The following JAM3 variants were observed in gnomAD, a reference collection of about 807,000 sequenced individuals.
JAM3 encodes the protein junctional adhesion molecule 3.
In JAM3, 31 loss-of-function variants were observed where a neutral mutation model predicts 39.4. The observed-to-expected ratio is 0.79, with a 90% CI of 0.59 to 1.06. The LOEUF is 1.06. JAM3 is among the 50% of genes least tolerant of loss of function. The probability of loss-of-function intolerance (pLI) is 0.00; values close to 1 mark genes in which losing one functional copy is unlikely to be tolerated. For synonymous variants in JAM3, 182 were observed against 148.7 expected (o/e 1.22, Z -1.63); for missense variants, 455 against 391.4 (o/e 1.16, Z -1.37).
intron 1 of JAM3, among the ~76,000 whole-genome samples, chr11:134,138,367 C>G (rs596021): frequency 3.1e-5 from 4 of 127,554 alleles, no homozygotes; most frequent in African/African-American, 1.2e-4. Context: ...TTTATGGCCA[C>G]TAGTCCCTTA....
At chr11:134,133,262 T>G (rs1050051417) in intron 1 of JAM3, among the ~76,000 whole-genome samples, 46 of 152,214 alleles carry the variant, frequency 3.0e-4, no homozygotes, top group Non-Finnish European at 5.9e-5. Context: ...CCTACTTCCT[T>G]TCCAACTTCG....
At chr11:134,072,388 A>C (rs1591765331) in intron 1 of JAM3, among the ~76,000 whole-genome samples, 1 of 149,130 alleles carries the variant, frequency 6.7e-6, no homozygotes, top group Non-Finnish European at 1.5e-5. Flanking sequence ...TCACTGCAAA[A>C]CTCCGCCTCC....
intron 3 of JAM3, among the ~76,000 whole-genome samples, chr11:134,143,492 C>A (rs1943012078): frequency 6.6e-6 from 1 of 152,242 alleles, no homozygotes; most frequent in South Asian, 2.1e-4. Context: ...CCTCAGCCTT[C>A]TGAGTAGCTG....
intron 1 of JAM3, among the ~76,000 whole-genome samples, chr11:134,082,462 A>G (rs1416438506): frequency 6.6e-6 from 1 of 152,104 alleles, no homozygotes; most frequent in East Asian, 1.9e-4. Flanking sequence ...TTTCCTTGTA[A>G]TGTGGGGGGG....
intron 1 of JAM3, among the ~76,000 whole-genome samples, chr11:134,124,765 G>A (rs974790900): frequency 8.5e-5 from 13 of 152,148 alleles, no homozygotes; most frequent in Non-Finnish European, 1.9e-4. Flanking sequence ...GTGTCCAGGA[G>A]TGTTCAAGGC....
intron 1 of JAM3, among the ~76,000 whole-genome samples, chr11:134,129,032 C>T (rs946623710): frequency 6.6e-6 from 1 of 152,034 alleles, no homozygotes; most frequent in Non-Finnish European, 1.5e-5. Flanking sequence ...CTCCTGAGAC[C>T]TCTCCTTGGC....
rs867714809 is a variant in JAM3 at position 134,083,984 on chromosome 11, C to G, written c.76+14825C>G. ...AATATTACCTTTTTTTCTCTTTTTT[C>G]TATGTAAAAGAAAGCTTATGGCTAC... On this transcript the variant is annotated intron_variant, in intron 1 of 8. Transcript: ENST00000299106. Among the ~76,000 whole-genome samples the G allele has an allele frequency of 1.1e-4, 17 of 152,038 alleles. No homozygotes were observed. In the Middle Eastern group the frequency reaches 0.017, roughly 152 times the overall value.
Position 134,148,572 on chromosome 11 carries a change from T to C in JAM3, c.738T>C (p.Ile246=). 6.2e-7 allele frequency: 1 copy of C among 1,613,938 alleles called. No homozygotes were observed. The highest frequency in any genetic ancestry group is 1.3e-5 in the African/African-American group (1 of 74,960). Residue 246 remains isoleucine (I), a synonymous_variant, in exon 7 of 9, where the codon ATT becomes ATC. Transcript: ENST00000299106. ...EVYDLNIGGI[I]GGVLVVLAVL... is the part of the protein sequence containing the mutation. ...ATGACCTGAACATTGGCGGAATTAT[T>C]GGGGGGGTTCTGGTTGTCCTTGCTG... is the stretch of plus-strand genomic sequence containing the variant.
chr11:134,102,069 C>T (rs1317130047), intron 1 of JAM3, among the ~76,000 whole-genome samples: 2 of 152,018 alleles, frequency 1.3e-5, no homozygotes, highest in African/African-American at 2.4e-5. Context: ...ATTATAGTAA[C>T]CTATTTAATT....
chr11:134,086,663 C>G (rs1941749979), intron 1 of JAM3, among the ~76,000 whole-genome samples: 1 of 152,028 alleles, frequency 6.6e-6, no homozygotes, highest in African/African-American at 2.4e-5. Context: ...AAATAAACAG[C>G]TTATTAAATA....
intron 1 of JAM3, among the ~76,000 whole-genome samples, chr11:134,105,347 C>T (rs150893025): frequency 0.018 from 2,702 of 152,162 alleles, 49 homozygotes; most frequent in Non-Finnish European, 0.026. Context: ...ATTGATGGGA[C>T]GTATCTCAAA....
At chr11:134,079,967 T>TTTTG (rs60106616) in intron 1 of JAM3, among the ~76,000 whole-genome samples, 8,582 of 151,792 alleles carry the variant, frequency 0.057, 274 homozygotes, top group Non-Finnish European at 0.058. Flanking sequence ...GAACCCTCGT[T>TTTTG]TTTGTTTGTT....
chr11:134,078,316 C>T (rs1030786351), intron 1 of JAM3, among the ~76,000 whole-genome samples: 9 of 152,012 alleles, frequency 5.9e-5, no homozygotes, highest in Admixed American at 1.3e-4. Flanking sequence ...GACGGGGTAT[C>T]GCCATGTTGG....
chr11:134,134,423 C>A lies in JAM3; in HGVS notation c.77-5428C>A, dbSNP rs74667728. On this transcript the variant is annotated intron_variant, in intron 1 of 8. Coordinates refer to ENST00000299106, the MANE Select transcript of JAM3 (RefSeq NM_032801.5). ...CAAAAAAAAAAAAAAAAAAAAAAAA[C>A]ATCTAGGCATATCATAATCACACTG... is the stretch of plus-strand genomic sequence containing the variant. 5.9e-3 allele frequency among the ~76,000 whole-genome samples: 306 copies of A among 52,012 alleles called. No homozygotes were observed. In the Middle Eastern group the frequency reaches 0.077, roughly 13 times the overall value. 34.1% of individuals were successfully genotyped at this position (52,012 alleles called of 152,430 possible). A position where few individuals can be genotyped will look rare whatever the true frequency, so the allele number is the denominator to read the frequency against.
intron 1 of JAM3, among the ~76,000 whole-genome samples, chr11:134,112,926 T>C (rs1248712630): frequency 1.3e-5 from 2 of 152,196 alleles, no homozygotes; most frequent in East Asian, 3.9e-4. Flanking sequence ...GAGAAAGTTA[T>C]ATATGCTGTC....
At chr11:134,104,959 C>G (rs1168369024) in intron 1 of JAM3, among the ~76,000 whole-genome samples, 1 of 152,180 alleles carries the variant, frequency 6.6e-6, no homozygotes, top group African/African-American at 2.4e-5. Flanking sequence ...CCTTCTGAAA[C>G]TATTCCAATC....
At chr11:134,077,650 CT>C (rs71038558) in intron 1 of JAM3, among the ~76,000 whole-genome samples, 11,582 of 101,334 alleles carry the variant, frequency 0.11, 283 homozygotes, top group African/African-American at 0.21. Context: ...TGGCTGGCGC[CT>C]TTTTTTTTTT....
chr11:134,125,066 C>T (rs1350790604), intron 1 of JAM3, among the ~76,000 whole-genome samples: 1 of 152,214 alleles, frequency 6.6e-6, no homozygotes. Flanking sequence ...TGCTGCTGCT[C>T]CTGCAGCCGC....
intron 1 of JAM3, among the ~76,000 whole-genome samples, chr11:134,084,502 TA>T (rs1941716097): frequency 1.3e-5 from 2 of 152,146 alleles, no homozygotes; most frequent in South Asian, 4.1e-4. Flanking sequence ...AAATTAAAAT[TA>T]ATACAGTCAA....
Sources: allele counts gnomAD v4.1 joint callset (sites outside exome capture counted in the v4.1 genomes callset), GRCh38; gene constraint gnomAD v4.1.1; transcripts MANE v1.5; gene names NCBI Gene and HGNC (gene_info 2026-07-23, HGNC 2026-07-21).